Variants in SAMD3 observed in about 807,000 individuals in gnomAD.
SAMD3 encodes the protein sterile alpha motif domain containing 3, also known as sterile alpha motif domain-containing protein 3.
Under a neutral mutation model 58.5 loss-of-function variants are expected in SAMD3, and 63 were observed. The ratio of observed to expected loss-of-function variants is 1.08; its 90% CI spans 0.88 to 1.33. SAMD3 has a LOEUF of 1.33. Ranked by LOEUF, SAMD3 falls within the 40% of genes most tolerant of loss-of-function variation. SAMD3 has a pLI of 0.00. For synonymous variants in SAMD3, 220 were observed against 210.3 expected, an observed-to-expected ratio of 1.05 and a Z score of -0.40; for missense variants, 604 against 608.4, an observed-to-expected ratio of 0.99 and a Z score of 0.08.
intron 2 of SAMD3, among the ~76,000 whole-genome samples, chr6:130,279,633 T>C (rs1479095191): frequency 1.3e-5 from 2 of 151,884 alleles, no homozygotes; most frequent in African/African-American, 4.8e-5. Flanking sequence ...TACAGGCACC[T>C]GCCAGCAGGC....
At chr6:130,173,043 C>T (rs915382435) in intron 8 of SAMD3, among the ~76,000 whole-genome samples, 3 of 152,154 alleles carry the variant, frequency 2.0e-5, no homozygotes, top group African/African-American at 7.2e-5. Context: ...TTTTCAGCTC[C>T]ATCAGGTCAT....
At chr6:130,339,679 T>C (rs559170231) in intron 1 of SAMD3, among the ~76,000 whole-genome samples, 2 of 152,342 alleles carry the variant, frequency 1.3e-5, no homozygotes, top group Admixed American at 6.5e-5. Context: ...AGTATGAGAA[T>C]GGACGAAATC....
At chr6:130,276,112 G>A (rs552586267) in intron 2 of SAMD3, among the ~76,000 whole-genome samples, 37 of 152,114 alleles carry the variant, frequency 2.4e-4, no homozygotes, top group Non-Finnish European at 4.7e-4. Flanking sequence ...AGAAACAGGA[G>A]TTGGAATTAC....
In SAMD3 at chr6:130,145,586, T is replaced by C. The variant is rs117294085; in HGVS notation, c.1196-164A>G. Among the ~76,000 whole-genome samples the C allele has an allele frequency of 2.0e-5, 3 of 152,308 alleles. No individual in the cohort carries two copies. In the East Asian group the frequency reaches 5.8e-4, roughly 29 times the overall value. The stretch of plus-strand genomic sequence containing the variant: ...CTTTTTAAACCATACCCTCTTCTAA[T>C]AAAACATTCAAAATCTCGTATCTGC... On this transcript the variant is annotated intron_variant, in intron 10 of 11. Coordinates refer to ENST00000439090, the MANE Select transcript of SAMD3 (RefSeq NM_001017373.4).
intron 7 of SAMD3, among the ~76,000 whole-genome samples, chr6:130,178,813 T>C (rs1791993131): frequency 6.6e-6 from 1 of 152,194 alleles, no homozygotes; most frequent in Non-Finnish European, 1.5e-5. Context: ...GTAAAGTCCT[T>C]CAACAGCCCT....
intron 1 of SAMD3, among the ~76,000 whole-genome samples, chr6:130,351,593 A>T (rs1322452319): frequency 1.3e-5 from 2 of 152,192 alleles, no homozygotes; most frequent in East Asian, 1.9e-4. Context: ...GCTGGAGAGG[A>T]TGTGGAGAAA....
intron 1 of SAMD3, among the ~76,000 whole-genome samples, chr6:130,352,516 C>A (rs189375919): frequency 1.3e-5 from 2 of 151,046 alleles, no homozygotes; most frequent in African/African-American, 4.9e-5. Context: ...ATCAAAGGGA[C>A]CCCAAATACC....
intron 1 of SAMD3, among the ~76,000 whole-genome samples, chr6:130,342,188 A>T (rs568425767): frequency 6.6e-6 from 1 of 152,092 alleles, no homozygotes; most frequent in Admixed American, 6.5e-5. Context: ...TTCTCAAAAG[A>T]CCCTCTGTCT....
chr6:130,254,572 G>A (rs953131826), intron 2 of SAMD3, among the ~76,000 whole-genome samples: 2 of 152,050 alleles, frequency 1.3e-5, no homozygotes, highest in African/African-American at 4.8e-5. Flanking sequence ...CAAGCAATCT[G>A]CCTGCCTTGG....
chr6:130,363,492 C>CT (rs900816129), intron 1 of SAMD3, among the ~76,000 whole-genome samples: 3 of 151,864 alleles, frequency 2.0e-5, no homozygotes, highest in Non-Finnish European at 2.9e-5. Flanking sequence ...GAGGAAGAGC[C>CT]TTTTTTTGAT....
chr6:130,207,990 C>G (rs1394674156), intron 5 of SAMD3, among the ~76,000 whole-genome samples: 2 of 152,360 alleles, frequency 1.3e-5, no homozygotes, highest in African/African-American at 2.4e-5. Context: ...CCCTCAGTCC[C>G]CTGAGCTCTC....
chr6:130,355,411 G>A (rs191150341), intron 1 of SAMD3, among the ~76,000 whole-genome samples: 209 of 152,230 alleles, frequency 1.4e-3, no homozygotes, highest in Non-Finnish European at 2.4e-3. Flanking sequence ...GTGACAGAGT[G>A]AGACTCTGTC....
chr6:130,180,230 C>G (rs1272058305), intron 7 of SAMD3, among the ~76,000 whole-genome samples: 1 of 151,038 alleles, frequency 6.6e-6, no homozygotes, highest in African/African-American at 2.4e-5. Flanking sequence ...TAGTGGTCCT[C>G]CCACCTCAGC....
At chr6:130,329,261 CAAAA>C (rs10708421) in intron 1 of SAMD3, among the ~76,000 whole-genome samples, 6 of 118,306 alleles carry the variant, frequency 5.1e-5, no homozygotes, top group African/African-American at 1.1e-4. Context: ...CAATGAATCT[CAAAA>C]AAAAAAAAAA....
intron 1 of SAMD3, among the ~76,000 whole-genome samples, chr6:130,337,529 G>A (rs1312509585): frequency 1.3e-5 from 2 of 152,240 alleles, no homozygotes; most frequent in African/African-American, 2.4e-5. Flanking sequence ...ACCCAAAAAT[G>A]TGGAAGCAAC....
intron 2 of SAMD3, among the ~76,000 whole-genome samples, chr6:130,235,889 CT>C (rs1201747113): frequency 6.6e-6 from 1 of 152,104 alleles, no homozygotes; most frequent in Non-Finnish European, 1.5e-5. Context: ...TCATTTACTC[CT>C]CTGTGTGGTA....
At chr6:130,209,639 T>G in intron 4 of SAMD3, 31 bp from the exon 5 acceptor site, 1 of 1,377,286 alleles carries the variant, frequency 7.3e-7, no homozygotes, top group Non-Finnish European at 1.0e-6. Context: ...CAGGCACTAT[T>G]CAAGAGGTGA....
chr6:130,144,257 C>T, downstream of SAMD3: 1 of 441,052 alleles, frequency 2.3e-6, no homozygotes, highest in Non-Finnish European at 4.0e-6. Context: ...ACTGAGGCAC[C>T]TCTGAAAATA....
chr6:130,214,637 T>G (rs923103387), intron 3 of SAMD3, 111 bp from the exon 4 acceptor site: 3 of 660,960 alleles, frequency 4.5e-6, no homozygotes, highest in Non-Finnish European at 7.0e-6. Flanking sequence ...ACTTGTCCCC[T>G]GACATTATAA....
Sources: gnomAD v4.1 joint callset for allele counts (sites outside exome capture counted in the v4.1 genomes callset) on GRCh38, gnomAD v4.1.1 for gene constraint, MANE v1.5 for transcripts, NCBI Gene and HGNC (gene_info 2026-07-23, HGNC 2026-07-21) for gene names.